Variants in PRKN observed in about 807,000 individuals in gnomAD.
PRKN encodes the protein parkin RBR E3 ubiquitin protein ligase.
A neutral mutation model predicts 59.5 loss-of-function variants in PRKN; 56 were observed. The observed-to-expected ratio is 0.94, with a 90% CI of 0.76 to 1.18. PRKN has a LOEUF of 1.18. Ranked by LOEUF, PRKN falls within the 50% of genes most tolerant of loss-of-function variation. PRKN has a pLI of 0.00. For synonymous variants in PRKN, 250 were observed against 222.1 expected (o/e 1.13, Z -1.12); for missense variants, 657 against 596.4 (o/e 1.10, Z -1.06).
intron 2 of PRKN, among the ~76,000 whole-genome samples, chr6:162,347,814 A>T (rs905331557): frequency 2.0e-5 from 3 of 152,184 alleles, no homozygotes; most frequent in African/African-American, 7.2e-5. Flanking sequence ...TTTACTTGAA[A>T]CAATGGTTTT....
intron 3 of PRKN, among the ~76,000 whole-genome samples, chr6:162,228,266 C>G (rs1009741497): frequency 3.3e-5 from 5 of 152,126 alleles, no homozygotes; most frequent in Admixed American, 3.3e-4. Flanking sequence ...AGAAATTCAT[C>G]ATAAGGGCTG....
At position 161,460,324 on chromosome 6, in the gene PRKN, A is replaced by C. The variant is rs1790145776; in HGVS notation, c.1084-73447T>G. 6.6e-6 allele frequency among the ~76,000 whole-genome samples: 1 copy of C among 152,146 alleles called. No homozygotes were observed. The highest frequency in any genetic ancestry group is 1.5e-5 in the Non-Finnish European group (1 of 68,020). On this transcript the variant is annotated intron_variant, in intron 9 of 11. Transcript: ENST00000366898. The surrounding 1 kb of genome is among the most constrained non-coding windows in gnomAD (Gnocchi z 5.0). ...ACCAAGATCTTGAAAAGTGGGTTAG[A>C]TATTGCTTGGGAATAATGGGCAAAG... is the stretch of plus-strand genomic sequence containing the variant.
intron 7 of PRKN, among the ~76,000 whole-genome samples, chr6:161,694,879 A>T (rs1400807726): frequency 1.3e-5 from 2 of 152,172 alleles, no homozygotes; most frequent in Non-Finnish European, 2.9e-5. Context: ...CAGTACTTAG[A>T]AGTCCCGAAC....
chr6:162,409,763 A>T (rs1477846492), intron 2 of PRKN, among the ~76,000 whole-genome samples: 1 of 152,214 alleles, frequency 6.6e-6, no homozygotes, highest in East Asian at 1.9e-4. Context: ...CTCAAGTGGG[A>T]TTCTCAACAC....
At chr6:162,317,122 A>G (rs1782784350) in intron 2 of PRKN, among the ~76,000 whole-genome samples, 1 of 152,086 alleles carries the variant, frequency 6.6e-6, no homozygotes, top group South Asian at 2.1e-4. Flanking sequence ...TTACCAATAA[A>G]GCCTCAACCA....
intron 6 of PRKN, among the ~76,000 whole-genome samples, chr6:161,919,582 T>C (rs908034088): frequency 6.6e-6 from 1 of 152,200 alleles, no homozygotes; most frequent in Non-Finnish European, 1.5e-5. Flanking sequence ...GTTGTTCCTG[T>C]TATAGGATCT....
intron 7 of PRKN, among the ~76,000 whole-genome samples, chr6:161,647,606 T>C (rs1222784570): frequency 6.8e-6 from 1 of 146,306 alleles, no homozygotes; most frequent in Non-Finnish European, 1.5e-5. Flanking sequence ...TTTTTTTTTT[T>C]CAATAGAAAT....
At chr6:161,744,826 C>T (rs1253542538) in intron 7 of PRKN, among the ~76,000 whole-genome samples, 5 of 152,204 alleles carry the variant, frequency 3.3e-5, no homozygotes, top group Admixed American at 1.3e-4. Flanking sequence ...GCCACATCAA[C>T]GGCATTTGGA....
At chr6:162,561,056 C>T (rs371356365) in intron 1 of PRKN, among the ~76,000 whole-genome samples, 1 of 152,114 alleles carries the variant, frequency 6.6e-6, no homozygotes. Flanking sequence ...GCAGCCTAGG[C>T]GATCAAAGGA....
Position 161,525,736 on chromosome 6 carries a change from C to T in PRKN, c.1083+23118G>A, listed in dbSNP as rs1778994277. Among the ~76,000 whole-genome samples the T allele has an allele frequency of 6.6e-6, 1 of 152,094 alleles. No homozygotes were observed. The highest frequency in any genetic ancestry group is 1.5e-5 in the Non-Finnish European group (1 of 68,026). ...AAAAATTATTCTATTCAGCGCATTGCATCAGAAATGCTTCTATGTTAATCT... is the reference window on the plus strand; with the variant it reads ...AAAAATTATTCTATTCAGCGCATTGTATCAGAAATGCTTCTATGTTAATCT... On this transcript the variant is annotated intron_variant, in intron 9 of 11. Coordinates refer to ENST00000366898, the MANE Select transcript of PRKN (RefSeq NM_004562.3). This position sits in a 1 kb window ranked among gnomAD's most constrained non-coding sequence, Gnocchi z 4.7.
intron 1 of PRKN, among the ~76,000 whole-genome samples, chr6:162,669,349 C>A (rs1418079849): frequency 6.6e-6 from 1 of 152,052 alleles, no homozygotes; most frequent in Non-Finnish European, 1.5e-5. Flanking sequence ...GTTGTATCTT[C>A]TTGAGTCACG....
chr6:162,291,170 A>C (rs937524842), intron 2 of PRKN, among the ~76,000 whole-genome samples: 6 of 152,128 alleles, frequency 3.9e-5, no homozygotes, highest in African/African-American at 1.4e-4. Context: ...ATCATCATAA[A>C]TCATGTTAGA....
intron 6 of PRKN, among the ~76,000 whole-genome samples, chr6:161,931,100 T>C (rs1779155538): frequency 6.6e-6 from 1 of 152,208 alleles, no homozygotes; most frequent in Non-Finnish European, 1.5e-5. Flanking sequence ...TAGGTTGTTT[T>C]TGAATGAACG....
intron 5 of PRKN, among the ~76,000 whole-genome samples, chr6:162,002,373 T>C (rs1263604762): frequency 6.6e-6 from 1 of 152,112 alleles, no homozygotes; most frequent in African/African-American, 2.4e-5. Flanking sequence ...TTTCTTCTAC[T>C]GTGAATTTTA....
chr6:161,676,881 GA>G (rs1023901908), intron 7 of PRKN, among the ~76,000 whole-genome samples: 4 of 152,134 alleles, frequency 2.6e-5, no homozygotes, highest in Admixed American at 6.5e-5. Context: ...ACAGGGATGA[GA>G]AAAAAACAGC....
intron 1 of PRKN, among the ~76,000 whole-genome samples, chr6:162,678,271 T>C (rs958960151): frequency 6.6e-6 from 1 of 152,236 alleles, no homozygotes; most frequent in Non-Finnish European, 1.5e-5. Context: ...TACTTGTATG[T>C]GAGTCTTTGC....
At chr6:162,239,505 C>G (rs1778895964) in intron 3 of PRKN, among the ~76,000 whole-genome samples, 1 of 151,992 alleles carries the variant, frequency 6.6e-6, no homozygotes, top group Non-Finnish European at 1.5e-5. Flanking sequence ...AGTCAGCCAT[C>G]CAACGCAGCG....
chr6:162,610,023 G>A (rs1782081775), intron 1 of PRKN, among the ~76,000 whole-genome samples: 1 of 152,178 alleles, frequency 6.6e-6, no homozygotes, highest in East Asian at 1.9e-4. Flanking sequence ...ACCATTTCAT[G>A]TATGTTTTGA....
intron 2 of PRKN, among the ~76,000 whole-genome samples, chr6:162,406,331 T>G (rs1304378703): frequency 6.6e-6 from 1 of 152,192 alleles, no homozygotes; most frequent in Non-Finnish European, 1.5e-5. Context: ...CTAGAATCCT[T>G]AGAACCACTG....
Sources: allele counts gnomAD v4.1 joint callset (sites outside exome capture counted in the v4.1 genomes callset), GRCh38; gene constraint gnomAD v4.1.1; non-coding constraint Gnocchi (gnomAD v3.1); transcripts MANE v1.5; gene names NCBI Gene and HGNC (gene_info 2026-07-23, HGNC 2026-07-21).